The following AKIRIN1 variants were observed in gnomAD, a reference collection of about 807,000 sequenced individuals.
The protein encoded by AKIRIN1 is akirin-1.
A neutral mutation model predicts 25.9 loss-of-function variants in AKIRIN1; 4 were observed. The observed-to-expected ratio is 0.15, with a 90% CI of 0.08 to 0.35. The LOEUF (loss-of-function observed/expected upper bound fraction) is 0.35, where lower values mean the gene tolerates loss of function less well. Among genes scored for constraint, AKIRIN1 ranks in the 10% least tolerant of loss-of-function variants. The pLI, the probability that AKIRIN1 is intolerant of heterozygous loss-of-function variation, is 1.00. For missense variants in AKIRIN1, 243 were observed against 266.1 expected, an observed-to-expected ratio of 0.91 and a Z score of 0.61; for synonymous variants, 125 against 105.1, an observed-to-expected ratio of 1.19 and a Z score of -1.16.
At position 39,005,669 on chromosome 1, in the gene AKIRIN1, T is replaced by C. The variant is rs1338713634; in HGVS notation, c.*1614T>C. On this transcript the variant is annotated 3_prime_UTR_variant, in exon 5 of 5. Coordinates refer to ENST00000432648, the MANE Select transcript of AKIRIN1 (RefSeq NM_024595.3). ...TGAAAAATTCTGAGTTTAATTCAAA[T>C]GTATGCCAATACCTTCCAAAGTAAG... 1.3e-5 allele frequency: 2 copies of C among 152,232 alleles called. No homozygotes were observed. Among genetic ancestry groups the C allele is most frequent in the African/African-American group, 2.4e-5 (1 of 41,458 alleles). 9.4% of individuals were successfully genotyped at this position (152,232 alleles called of 1,614,324 possible). A position where few individuals can be genotyped will look rare whatever the true frequency, so the allele number is the denominator to read the frequency against.
At position 38,991,606 on chromosome 1, in the gene AKIRIN1, C is replaced by T; in HGVS notation, c.220+6C>T. On this transcript the variant is annotated splice_donor_region_variant and intron_variant, in intron 1 of 4. Coordinates refer to ENST00000432648, the MANE Select transcript of AKIRIN1 (RefSeq NM_024595.3). ...GCGGCGCCTTCCAACTCCGGGTAAC[C>T]TGCCCTGCTCTGGGTTTGGCAGGAA... 1 of 1,204,280 alleles carries T rather than the reference C, an allele frequency of 8.3e-7. No homozygotes were observed. The highest frequency in any genetic ancestry group is 1.0e-6 in the Non-Finnish European group (1 of 964,860). 74.6% of individuals were successfully genotyped at this position (1,204,280 alleles called of 1,614,324 possible). A position where few individuals can be genotyped will look rare whatever the true frequency, so the allele number is the denominator to read the frequency against.
Position 39,003,148 on chromosome 1 carries a change from G to A in AKIRIN1, c.497-199G>A, listed in dbSNP as rs941214265. Among the ~76,000 whole-genome samples the A allele has an allele frequency of 2.6e-5, 4 of 152,136 alleles. 1 individual carries two copies. The highest frequency in any genetic ancestry group is 6.5e-5 in the Admixed American group (1 of 15,272). On this transcript the variant is annotated intron_variant, in intron 3 of 4. Coordinates refer to ENST00000432648, the MANE Select transcript of AKIRIN1 (RefSeq NM_024595.3). ...ATCAGTGACCCATTCTAGAAGCCAA[G>A]GATTTGGCTCTGGGTTCTAAGAGGA...
rs1036295790 is a variant in AKIRIN1 at position 39,005,712 on chromosome 1, T to C, written c.*1657T>C. 2 of 152,156 alleles carry C rather than the reference T, an allele frequency of 1.3e-5. No homozygotes were observed. The highest frequency in any genetic ancestry group is 1.5e-5 in the Non-Finnish European group (1 of 68,036). 9.4% of individuals were successfully genotyped at this position (152,156 alleles called of 1,614,324 possible). On this transcript the variant is annotated 3_prime_UTR_variant, in exon 5 of 5. Transcript: ENST00000432648. Reference sequence around the variant, plus strand: ...AAAGTAAGGTAATATTCAGAGACAGTTGTTGTGATCAGATGGCTTAGAGAA... The same window carrying C: ...AAAGTAAGGTAATATTCAGAGACAGCTGTTGTGATCAGATGGCTTAGAGAA...
In AKIRIN1 at chr1:38,991,347, C is replaced by A; in HGVS notation, c.-34C>A. ...GAGCCTCTTGGGCCGCACTTACCGC[C>A]GCGTCCGCTCCCGGTCCCTGGCCCC... On this transcript the variant is annotated 5_prime_UTR_variant, in exon 1 of 5. Coordinates refer to ENST00000432648, the MANE Select transcript of AKIRIN1 (RefSeq NM_024595.3). 1 of 1,333,614 alleles carries A rather than the reference C, an allele frequency of 7.5e-7. No homozygotes were observed. Among genetic ancestry groups the A allele is most frequent in the South Asian group, 1.9e-5 (1 of 53,822 alleles). The allele number at this position is 1,333,614 out of a possible 1,614,324, so 82.6% of individuals were successfully genotyped here. A position where few individuals can be genotyped will look rare whatever the true frequency, so the allele number is the denominator to read the frequency against.
At chr1:38,995,878 C>T (rs1456889451) in intron 1 of AKIRIN1, among the ~76,000 whole-genome samples, 1 of 152,014 alleles carries the variant, frequency 6.6e-6, no homozygotes, top group Non-Finnish European at 1.5e-5. Flanking sequence ...ACTAAAAATA[C>T]AAAAAATTAG....
chr1:38,997,232 T>A (rs2148066795), intron 1 of AKIRIN1, among the ~76,000 whole-genome samples: 1 of 152,252 alleles, frequency 6.6e-6, no homozygotes, highest in Non-Finnish European at 1.5e-5. Context: ...ACCACATCCT[T>A]TTAGATTCTT....
intron 1 of AKIRIN1, 106 bp from the exon 2 acceptor site, chr1:38,998,065 G>C: frequency 1.6e-6 from 2 of 1,239,588 alleles, no homozygotes; most frequent in Non-Finnish European, 2.2e-6. Flanking sequence ...GCCAAAGGGA[G>C]TATCTAAAGT....
Position 39,004,469 on chromosome 1 carries a change from A to G in AKIRIN1, c.*414A>G, listed in dbSNP as rs192501029. 10 of 287,824 alleles carry G rather than the reference A, an allele frequency of 3.5e-5. No homozygotes were observed. The highest frequency in any genetic ancestry group is 1.6e-4 in the African/African-American group (7 of 44,548). The allele number at this position is 287,824 out of a possible 1,614,324, so 17.8% of individuals were successfully genotyped here. On this transcript the variant is annotated 3_prime_UTR_variant, in exon 5 of 5. Coordinates refer to ENST00000432648, the MANE Select transcript of AKIRIN1 (RefSeq NM_024595.3). ...CAAAAATTTTTTTTTGATCTTGGGG[A>G]TTCTGGCTGTGAATTTGGTGCACGA...
chr1:39,000,763 T>C (rs988137112), intron 2 of AKIRIN1, among the ~76,000 whole-genome samples: 2 of 152,000 alleles, frequency 1.3e-5, no homozygotes, highest in African/African-American at 4.8e-5. Context: ...TTCAAGCAAT[T>C]CTTCTGCCTC....
At chr1:38,997,141 C>T (rs1201265346) in intron 1 of AKIRIN1, among the ~76,000 whole-genome samples, 1 of 151,558 alleles carries the variant, frequency 6.6e-6, no homozygotes, top group Non-Finnish European at 1.5e-5. Flanking sequence ...GCAAAGTATA[C>T]ACTAGAATAA....
At chr1:38,998,911 G>A (rs1028732786) in intron 2 of AKIRIN1, among the ~76,000 whole-genome samples, 2 of 151,976 alleles carry the variant, frequency 1.3e-5, no homozygotes, top group Non-Finnish European at 2.9e-5. Flanking sequence ...CTGTTCCTCA[G>A]GTTCAGTAGT....
intron 1 of AKIRIN1, among the ~76,000 whole-genome samples, chr1:38,993,025 G>T (rs987177226): frequency 3.3e-5 from 5 of 152,178 alleles, no homozygotes; most frequent in African/African-American, 7.2e-5. Context: ...GTGATGTTTA[G>T]TTCTTCCCTA....
intron 2 of AKIRIN1, among the ~76,000 whole-genome samples, chr1:38,999,865 T>G (rs1643975180): frequency 2.3e-5 from 3 of 131,334 alleles, no homozygotes; most frequent in African/African-American, 8.0e-5. Context: ...GTTTTGTTTT[T>G]TTGTTTTTGT....
chr1:38,993,056 A>G (rs1386093874), intron 1 of AKIRIN1, among the ~76,000 whole-genome samples: 1 of 152,224 alleles, frequency 6.6e-6, no homozygotes, highest in Non-Finnish European at 1.5e-5. Flanking sequence ...ATACCTAAAG[A>G]TAGTCCATAA....
In AKIRIN1 at chr1:39,004,296, C is replaced by CAA. The variant is rs1223950474; in HGVS notation, c.*245_*246dup. On this transcript the variant is annotated 3_prime_UTR_variant, in exon 5 of 5. Transcript: ENST00000432648. ...GCCCTACTGTGATAGATTTTCCAAA[C>CAA]AAAAATACCTGGAGCAGCAGTTTAG... is the stretch of plus-strand genomic sequence containing the variant. The CAA allele has an allele frequency of 1.5e-6, 1 of 664,042 alleles. No homozygotes were observed. The highest frequency in any genetic ancestry group is 2.2e-5 in the Admixed American group (1 of 45,208). The allele number at this position is 664,042 out of a possible 1,614,324, so 41.1% of individuals were successfully genotyped here.
At position 39,004,089 on chromosome 1, in the gene AKIRIN1, C is replaced by T. The variant is rs1261708348; in HGVS notation, c.*34C>T. 1 of 1,605,098 alleles carries T rather than the reference C, an allele frequency of 6.2e-7. No homozygotes were observed. The highest frequency in any genetic ancestry group is 8.5e-7 in the Non-Finnish European group (1 of 1,171,952). On this transcript the variant is annotated 3_prime_UTR_variant, in exon 5 of 5. Transcript: ENST00000432648. ...CACATATCTGGGTACCAGGTTTGAC[C>T]TCAAGAGATGGCTGCTGTACACTTT...
intron 1 of AKIRIN1, among the ~76,000 whole-genome samples, chr1:38,994,959 G>A (rs926856755): frequency 6.6e-6 from 1 of 152,006 alleles, no homozygotes; most frequent in Non-Finnish European, 1.5e-5. Flanking sequence ...CAAAGTGCTG[G>A]GATTACAGGC....
Position 39,004,314 on chromosome 1 carries a change from C to G in AKIRIN1, c.*259C>G. The G allele has an allele frequency of 1.6e-6, 1 of 641,074 alleles. No individual in the cohort carries two copies. The highest frequency in any genetic ancestry group is 1.6e-5 in the South Asian group (1 of 62,282). The allele number at this position is 641,074 out of a possible 1,614,324, so 39.7% of individuals were successfully genotyped here. A position where few individuals can be genotyped will look rare whatever the true frequency, so the allele number is the denominator to read the frequency against. ...TTCCAAACAAAAATACCTGGAGCAGCAGTTTAGCAAAATATGCCTTCAGTG... is the reference window on the plus strand; with the variant it reads ...TTCCAAACAAAAATACCTGGAGCAGGAGTTTAGCAAAATATGCCTTCAGTG... On this transcript the variant is annotated 3_prime_UTR_variant, in exon 5 of 5. Coordinates refer to ENST00000432648, the MANE Select transcript of AKIRIN1 (RefSeq NM_024595.3).
Position 38,998,298 on chromosome 1 carries a change from A to C in AKIRIN1, c.348A>C (p.Ala116=). The C allele has an allele frequency of 6.2e-7, 1 of 1,608,116 alleles. No homozygotes were observed. The highest frequency in any genetic ancestry group is 8.5e-7 in the Non-Finnish European group (1 of 1,177,600). The change falls in exon 2 of 5, where the codon GCA becomes GCC. Residue 116 remains alanine, a synonymous_variant. Transcript: ENST00000432648. Reference sequence around the variant, plus strand: ...AACCTCACTCCTCAGCACTCACAGCACCTAGCTCTCCAGGTAAGCCCACTT... The same window carrying C: ...AACCTCACTCCTCAGCACTCACAGCCCCTAGCTCTCCAGGTAAGCCCACTT... ...ESQPHSSALT[A]PSSPGSSWMK...
Sources: gnomAD v4.1 joint callset for allele counts (sites outside exome capture counted in the v4.1 genomes callset) on GRCh38, gnomAD v4.1.1 for gene constraint, MANE v1.5 for transcripts, NCBI Gene and HGNC (gene_info 2026-07-23, HGNC 2026-07-21) for gene names.